Variants in BRD10 observed in about 807,000 individuals in gnomAD.
The protein encoded by BRD10 is bromodomain containing 10, also known as uncharacterized bromodomain-containing protein 10.
chr9:5,923,026 T>A, the BRD10 span: 1 of 1,614,016 alleles, frequency 6.2e-7, no homozygotes. Flanking sequence ...CTGAATCCAA[T>A]GAGGCAAATG....
At chr9:5,940,208 C>A in the BRD10 span, among the ~76,000 whole-genome samples, 3 of 152,214 alleles carry the variant, frequency 2.0e-5, no homozygotes, top group African/African-American at 7.2e-5. Flanking sequence ...TAGTCTTGCT[C>A]TGTCGCCCAG....
the BRD10 span, among the ~76,000 whole-genome samples, chr9:5,885,352 T>C: frequency 1.3e-5 from 2 of 151,532 alleles, no homozygotes; most frequent in Non-Finnish European, 2.9e-5. Flanking sequence ...TGCCAGGCAC[T>C]GTGCTAGATG....
At chr9:5,921,094 C>G in the BRD10 span, 3 of 1,613,900 alleles carry the variant, frequency 1.9e-6, no homozygotes, top group Non-Finnish European at 2.5e-6. Context: ...GGGTAATATT[C>G]TGACTCACAA....
chr9:5,924,716 A>G, the BRD10 span: 5 of 1,600,560 alleles, frequency 3.1e-6, no homozygotes, highest in Non-Finnish European at 3.4e-6. Flanking sequence ...CTATAGACTT[A>G]CTGATTTCTC....
chr9:5,883,462 C>CTTTT, the BRD10 span, among the ~76,000 whole-genome samples: 6,850 of 102,048 alleles, frequency 0.067, 543 homozygotes, highest in Non-Finnish European at 0.091. Flanking sequence ...CCTTCTTCTT[C>CTTTT]TTTTTTTTTT....
the BRD10 span, chr9:5,968,633 G>A: frequency 6.2e-7 from 1 of 1,613,626 alleles, no homozygotes; most frequent in African/African-American, 1.3e-5. Flanking sequence ...CTTGAAGGAA[G>A]AGGGCAGGCT....
the BRD10 span, chr9:5,924,815 G>C: frequency 2.0e-6 from 3 of 1,531,766 alleles, no homozygotes; most frequent in Non-Finnish European, 2.6e-6. Context: ...GTTGTCTTCT[G>C]AAATCATCAT....
At chr9:5,970,130 T>C in the BRD10 span, among the ~76,000 whole-genome samples, 1 of 152,192 alleles carries the variant, frequency 6.6e-6, no homozygotes, top group Non-Finnish European at 1.5e-5. Context: ...TAGAAAGTTA[T>C]ACTAAGAAAA....
the BRD10 span, among the ~76,000 whole-genome samples, chr9:5,986,691 A>G: frequency 6.6e-6 from 1 of 152,230 alleles, no homozygotes; most frequent in Non-Finnish European, 1.5e-5. Context: ...TAAAAGAGAT[A>G]GCTTAATTCA....
the BRD10 span, chr9:5,922,634 G>C: frequency 1.9e-6 from 3 of 1,613,918 alleles, no homozygotes; most frequent in Non-Finnish European, 2.5e-6. Context: ...CACTTCTTTT[G>C]CAACTGCTTT....
At chr9:5,916,531 ATATG>A in the BRD10 span, among the ~76,000 whole-genome samples, 79 of 150,808 alleles carry the variant, frequency 5.2e-4, no homozygotes, top group African/African-American at 1.8e-3. Flanking sequence ...GTGTGTATAT[ATATG>A]TATATATAAA....
At chr9:5,950,660 A>G in the BRD10 span, among the ~76,000 whole-genome samples, 1 of 152,208 alleles carries the variant, frequency 6.6e-6, no homozygotes, top group South Asian at 2.1e-4. Context: ...CATAACTCTT[A>G]GGAAAAAGTG....
At chr9:6,006,947 C>T in the BRD10 span, among the ~76,000 whole-genome samples, 2 of 152,250 alleles carry the variant, frequency 1.3e-5, no homozygotes, top group Non-Finnish European at 2.9e-5. Flanking sequence ...CATCTGCAAA[C>T]TATACCCAGC....
chr9:5,919,733 G>A, the BRD10 span: 1 of 1,613,004 alleles, frequency 6.2e-7, no homozygotes, highest in Non-Finnish European at 8.5e-7. Context: ...CTGAAAAGCA[G>A]GGAAGACAGA....
chr9:5,980,278 C>A, the BRD10 span, among the ~76,000 whole-genome samples: 1 of 152,112 alleles, frequency 6.6e-6, no homozygotes, highest in African/African-American at 2.4e-5. Flanking sequence ...ACACCAGTTC[C>A]CCCAAGACTG....
the BRD10 span, among the ~76,000 whole-genome samples, chr9:5,953,366 A>G: frequency 4.6e-5 from 7 of 152,162 alleles, no homozygotes; most frequent in Admixed American, 1.3e-4. Context: ...AAATAAAAGC[A>G]TTAATTAGGG....
At chr9:5,885,974 T>C in the BRD10 span, among the ~76,000 whole-genome samples, 954 of 152,310 alleles carry the variant, frequency 6.3e-3, 16 homozygotes, top group African/African-American at 0.022. Context: ...CAGGTAGAAG[T>C]TGTTTTCCCC....
At chr9:5,967,583 G>A in the BRD10 span, among the ~76,000 whole-genome samples, 3 of 150,472 alleles carry the variant, frequency 2.0e-5, no homozygotes, top group East Asian at 5.9e-4. Flanking sequence ...GACCCAGGAA[G>A]ATAATCTGAC....
the BRD10 span, among the ~76,000 whole-genome samples, chr9:5,887,801 A>G: frequency 6.6e-6 from 1 of 152,186 alleles, no homozygotes; most frequent in African/African-American, 2.4e-5. Context: ...AAGGTCTCCA[A>G]CTGGTTGTTC....
Sources: gnomAD v4.1 joint callset for allele counts (sites outside exome capture counted in the v4.1 genomes callset) on GRCh38, gnomAD v4.1.1 for gene constraint, MANE v1.5 for transcripts, NCBI Gene and HGNC (gene_info 2026-07-23, HGNC 2026-07-21) for gene names.